ARHGAP15: variants seen among roughly 807,000 people sequenced by gnomAD.
ARHGAP15 encodes Rho GTPase activating protein 15.
A neutral mutation model predicts 63.7 loss-of-function variants in ARHGAP15; 51 were observed. That is an observed-to-expected ratio of 0.80 (90% confidence interval 0.64 to 1.01). ARHGAP15 has a LOEUF of 1.01. ARHGAP15 is among the 50% of genes least tolerant of loss of function. The probability of loss-of-function intolerance (pLI) is 0.00; values close to 1 mark genes in which losing one functional copy is unlikely to be tolerated. For synonymous variants in ARHGAP15, 191 were observed against 193.8 expected (o/e 0.99, Z 0.12); for missense variants, 560 against 564.6 (o/e 0.99, Z 0.08).
intron 1 of ARHGAP15, among the ~76,000 whole-genome samples, chr2:143,152,704 C>T (rs945967628): frequency 1.3e-5 from 2 of 151,918 alleles, no homozygotes; most frequent in African/African-American, 4.8e-5. Context: ...TAGAAATCCC[C>T]AAATATTTAA....
intron 6 of ARHGAP15, among the ~76,000 whole-genome samples, chr2:143,348,198 A>G (rs1685385274): frequency 1.3e-5 from 2 of 152,174 alleles, no homozygotes; most frequent in South Asian, 4.1e-4. Context: ...CCTTGATGTC[A>G]TACTCACAAT....
At chr2:143,307,438 G>A (rs901336956) in intron 6 of ARHGAP15, among the ~76,000 whole-genome samples, 1 of 152,052 alleles carries the variant, frequency 6.6e-6, no homozygotes, top group African/African-American at 2.4e-5. Context: ...TAAATAAAGG[G>A]CATTTCATTT....
At chr2:143,153,846 C>CCTCT (rs1689960723) in intron 1 of ARHGAP15, among the ~76,000 whole-genome samples, 5 of 57,256 alleles carry the variant, frequency 8.7e-5, no homozygotes, top group South Asian at 7.6e-4. Flanking sequence ...CTTCTTCTTC[C>CCTCT]TCCTCCTCCT....
intron 11 of ARHGAP15, among the ~76,000 whole-genome samples, chr2:143,560,990 T>G (rs979175994): frequency 6.6e-6 from 1 of 152,228 alleles, no homozygotes. Flanking sequence ...TGACCTTAGA[T>G]GTCAACCTGT....
At chr2:143,383,975 C>T (rs2104948049) in intron 6 of ARHGAP15, among the ~76,000 whole-genome samples, 1 of 152,210 alleles carries the variant, frequency 6.6e-6, no homozygotes, top group Non-Finnish European at 1.5e-5. Flanking sequence ...CAGTCACCTG[C>T]ATGATCTTCT....
intron 13 of ARHGAP15, among the ~76,000 whole-genome samples, chr2:143,730,577 G>A (rs901776796): frequency 3.9e-5 from 6 of 152,066 alleles, no homozygotes; most frequent in African/African-American, 1.2e-4. Flanking sequence ...GCCTCATCTC[G>A]AAACCCACCA....
chr2:143,533,978 G>T (rs1043765597), intron 10 of ARHGAP15, among the ~76,000 whole-genome samples: 1 of 152,186 alleles, frequency 6.6e-6, no homozygotes, highest in African/African-American at 2.4e-5. Context: ...CATTGTTTGT[G>T]TATACATCAC....
intron 13 of ARHGAP15, among the ~76,000 whole-genome samples, chr2:143,747,494 T>A (rs1203959901): frequency 2.0e-5 from 3 of 152,130 alleles, no homozygotes; most frequent in African/African-American, 7.2e-5. Flanking sequence ...CAGAGAATAG[T>A]TTTTTACTAC....
chr2:143,767,373 CT>C (rs941700532), intron 13 of ARHGAP15, among the ~76,000 whole-genome samples: 1 of 152,150 alleles, frequency 6.6e-6, no homozygotes, highest in Non-Finnish European at 1.5e-5. Context: ...CAATGGGGCT[CT>C]TTTCCTGTGC....
chr2:143,508,448 C>T (rs1004052398), intron 9 of ARHGAP15, among the ~76,000 whole-genome samples: 1 of 152,194 alleles, frequency 6.6e-6, no homozygotes, highest in Non-Finnish European at 1.5e-5. Flanking sequence ...TCCCCATTTA[C>T]ATATAGACTC....
intron 8 of ARHGAP15, among the ~76,000 whole-genome samples, chr2:143,471,513 A>G (rs186922479): frequency 6.6e-6 from 1 of 152,190 alleles, no homozygotes; most frequent in African/African-American, 2.4e-5. Context: ...AGCAAAGTAA[A>G]AACAAAAACA....
chr2:143,378,455 C>G (rs1018114270), intron 6 of ARHGAP15, among the ~76,000 whole-genome samples: 1 of 152,008 alleles, frequency 6.6e-6, no homozygotes, highest in African/African-American at 2.4e-5. Context: ...TAGTAATATA[C>G]TGGATCAAAC....
intron 8 of ARHGAP15, among the ~76,000 whole-genome samples, chr2:143,450,136 G>T (rs1172563437): frequency 4.6e-5 from 5 of 109,260 alleles, no homozygotes; most frequent in South Asian, 2.8e-4. Context: ...ACCTGGGTTT[G>T]TTACTGAGGT....
At chr2:143,526,145 C>T (rs1694269180) in intron 10 of ARHGAP15, among the ~76,000 whole-genome samples, 2 of 151,466 alleles carry the variant, frequency 1.3e-5, no homozygotes, top group African/African-American at 4.9e-5. Flanking sequence ...TTATTAGTGA[C>T]ATTTAACAGA....
At chr2:143,760,411 C>T (rs980745253) in intron 13 of ARHGAP15, among the ~76,000 whole-genome samples, 3 of 152,112 alleles carry the variant, frequency 2.0e-5, no homozygotes, top group East Asian at 3.9e-4. Flanking sequence ...TCTGATATTC[C>T]ATTTTATCTG....
chr2:143,619,378 A>G (rs1559084242), intron 11 of ARHGAP15, among the ~76,000 whole-genome samples: 2 of 152,056 alleles, frequency 1.3e-5, no homozygotes, highest in East Asian at 1.9e-4. Flanking sequence ...GTGTGTGTGT[A>G]TGTGTGTGTG....
In ARHGAP15 at chr2:143,461,609, A is replaced by G. The variant is rs1487975565; in HGVS notation, c.703+24567A>G. Among the ~76,000 whole-genome samples the G allele has an allele frequency of 2.0e-5, 3 of 152,212 alleles. No individual in the cohort carries two copies. In the South Asian group the frequency reaches 6.2e-4, roughly 32 times the overall value. ...CAATCTAAAGTAAAGGAATCGATCT[A>G]TAAGTGTAAGAACAACAGCAAATTT... On this transcript the variant is annotated intron_variant, in intron 8 of 13. Coordinates refer to ENST00000295095, the MANE Select transcript of ARHGAP15 (RefSeq NM_018460.4).
intron 12 of ARHGAP15, among the ~76,000 whole-genome samples, chr2:143,648,505 A>G (rs1681003178): frequency 6.6e-6 from 1 of 151,996 alleles, no homozygotes. Context: ...ACTTGGATCT[A>G]CATGTTGAAG....
intron 6 of ARHGAP15, among the ~76,000 whole-genome samples, chr2:143,343,352 T>C (rs1171273023): frequency 6.6e-6 from 1 of 151,836 alleles, no homozygotes; most frequent in Non-Finnish European, 1.5e-5. Context: ...AGGCAACAGG[T>C]GTCAAGGGAA....
Sources: gnomAD v4.1 joint callset for allele counts (sites outside exome capture counted in the v4.1 genomes callset) on GRCh38, gnomAD v4.1.1 for gene constraint, MANE v1.5 for transcripts, NCBI Gene and HGNC (gene_info 2026-07-23, HGNC 2026-07-21) for gene names.